The following PTPRM variants were observed in gnomAD, a reference collection of about 807,000 sequenced individuals.
The protein encoded by PTPRM is receptor-type tyrosine-protein phosphatase mu.
In PTPRM, 47 loss-of-function variants were observed where a neutral mutation model predicts 186.7. That is an observed-to-expected ratio of 0.25 (90% CI 0.20 to 0.32). PTPRM has a LOEUF of 0.32. PTPRM is among the 10% of genes least tolerant of loss of function. PTPRM has a pLI of 1.00. For synonymous variants in PTPRM, 668 were observed against 674.9 expected, an observed-to-expected ratio of 0.99 and a Z score of 0.16; for missense variants, 1,494 against 1,865.0, an observed-to-expected ratio of 0.80 and a Z score of 3.66.
chr18:8,261,518 G>T lies in PTPRM; in HGVS notation c.2754+8104G>T, dbSNP rs147763636. ...AAGTTTCTGCGTATTTTTAAATAATGCAATAGAGAGTTGGTTTTGACATGA... is the reference window on the plus strand; with the variant it reads ...AAGTTTCTGCGTATTTTTAAATAATTCAATAGAGAGTTGGTTTTGACATGA... On this transcript the variant is annotated intron_variant, in intron 19 of 32. Coordinates refer to ENST00000580170, the MANE Select transcript of PTPRM (RefSeq NM_001105244.2). Among the ~76,000 whole-genome samples the T allele has an allele frequency of 3.5e-4, 53 of 152,240 alleles. No homozygotes were observed. The East Asian group carries it at 9.6e-3, about 28-fold the overall frequency.
At chr18:8,200,036 A>G (rs1311007899) in intron 14 of PTPRM, among the ~76,000 whole-genome samples, 1 of 152,210 alleles carries the variant, frequency 6.6e-6, no homozygotes, top group African/African-American at 2.4e-5. Flanking sequence ...AGACTTTACA[A>G]CTGTCCTTGT....
intron 2 of PTPRM, among the ~76,000 whole-genome samples, chr18:7,869,589 C>T (rs1470408063): frequency 1.3e-5 from 2 of 152,142 alleles, no homozygotes; most frequent in South Asian, 2.1e-4. Context: ...AGAAATCACC[C>T]GCCTTCTGTG....
At chr18:7,718,003 G>C (rs1047801714) in intron 1 of PTPRM, among the ~76,000 whole-genome samples, 1 of 152,012 alleles carries the variant, frequency 6.6e-6, no homozygotes, top group Non-Finnish European at 1.5e-5. Flanking sequence ...TCTCATGAAG[G>C]GGTCAGGGAA....
chr18:7,682,528 T>A lies in PTPRM; in HGVS notation c.74-91621T>A, dbSNP rs9958605. Among the ~76,000 whole-genome samples, 1,251 of 152,290 alleles carry A rather than the reference T, an allele frequency of 8.2e-3. 11 individuals are homozygous for A. The highest frequency in any genetic ancestry group is 0.029 in the African/African-American group (1,195 of 41,570). On this transcript the variant is annotated intron_variant, in intron 1 of 32. Coordinates refer to ENST00000580170, the MANE Select transcript of PTPRM (RefSeq NM_001105244.2). ...TAGCTTTCTCAGGGTATGGGACAAT[T>A]GTTTATAGGATTGGTATGGTGTCTA...
intron 1 of PTPRM, among the ~76,000 whole-genome samples, chr18:7,725,657 C>T (rs1053102268): frequency 1.3e-5 from 2 of 152,018 alleles, no homozygotes; most frequent in Non-Finnish European, 2.9e-5. Flanking sequence ...AGCTTAACCT[C>T]GGAGGGACAG....
intron 14 of PTPRM, among the ~76,000 whole-genome samples, chr18:8,198,917 G>T (rs905816303): frequency 6.6e-6 from 1 of 152,116 alleles, no homozygotes; most frequent in Non-Finnish European, 1.5e-5. Context: ...TTATTATTGA[G>T]CAGACAAACT....
chr18:7,625,696 G>T (rs540824857), intron 1 of PTPRM, among the ~76,000 whole-genome samples: 6 of 151,270 alleles, frequency 4.0e-5, no homozygotes, highest in Non-Finnish European at 7.4e-5. Context: ...CATGATGCCC[G>T]GTTAATTTTT....
rs1372139108 is a variant in PTPRM, at chr18:8,063,166, C to G, written c.1133-6520C>G. Among the ~76,000 whole-genome samples, 77 of 151,512 alleles carry G rather than the reference C, an allele frequency of 5.1e-4. 1 individual carries two copies. The highest frequency in any genetic ancestry group is 2.6e-3 in the Admixed American group (39 of 15,268). ...TGTGGGATATAGTCTCGTGGTGCGC[C>G]GTTTTTTAAGCCGGTCTGAAAAGCG... On this transcript the variant is annotated intron_variant, in intron 7 of 32. Coordinates refer to ENST00000580170, the MANE Select transcript of PTPRM (RefSeq NM_001105244.2).
intron 14 of PTPRM, among the ~76,000 whole-genome samples, chr18:8,206,097 A>G (rs888249862): frequency 2.0e-5 from 3 of 152,136 alleles, no homozygotes; most frequent in Non-Finnish European, 4.4e-5. Context: ...AGAGGTTACT[A>G]TGAACCAAAA....
chr18:8,217,015 GT>G (rs1168315154), intron 14 of PTPRM, among the ~76,000 whole-genome samples: 1 of 152,132 alleles, frequency 6.6e-6, no homozygotes, highest in Non-Finnish European at 1.5e-5. Flanking sequence ...GTAACTCTTA[GT>G]CCATTTTGAA....
intron 1 of PTPRM, among the ~76,000 whole-genome samples, chr18:7,715,220 C>T (rs1306927271): frequency 2.6e-5 from 4 of 152,184 alleles, no homozygotes; most frequent in Non-Finnish European, 4.4e-5. Flanking sequence ...AATCAATAAA[C>T]GTAATCCATT....
intron 3 of PTPRM, among the ~76,000 whole-genome samples, chr18:7,894,427 AAC>A (rs1452733139): frequency 2.0e-5 from 3 of 151,864 alleles, no homozygotes; most frequent in Admixed American, 2.0e-4. Flanking sequence ...TCTACTAAAA[AAC>A]ACAAAAAATT....
In PTPRM at chr18:8,126,004, TA is replaced by T. The variant is rs1568383324; in HGVS notation, c.2167+11178del. On this transcript the variant is annotated intron_variant, in intron 13 of 32. Coordinates refer to ENST00000580170, the MANE Select transcript of PTPRM (RefSeq NM_001105244.2). ...ATATATATATATATATATATATATA[TA>T]TATATATATATATATATATATATTT... is the stretch of plus-strand genomic sequence containing the variant. 7.7e-3 allele frequency among the ~76,000 whole-genome samples: 285 copies of T among 36,932 alleles called. 13 individuals carry two copies. Among genetic ancestry groups the T allele is most frequent in the African/African-American group, 0.025 (250 of 10,162 alleles). 24.2% of individuals were successfully genotyped at this position (36,932 alleles called of 152,430 possible).
intron 7 of PTPRM, among the ~76,000 whole-genome samples, chr18:8,035,117 C>T (rs2086235642): frequency 1.3e-5 from 2 of 152,184 alleles, no homozygotes; most frequent in African/African-American, 2.4e-5. Context: ...CCTTTGCAAT[C>T]TGGATAGCCG....
intron 22 of PTPRM, among the ~76,000 whole-genome samples, chr18:8,337,587 G>A (rs765973581): frequency 2.0e-5 from 3 of 152,184 alleles, no homozygotes; most frequent in East Asian, 3.9e-4. Flanking sequence ...ATGAGGCCAC[G>A]TTAGGAAAAT....
rs1293021835 is a variant in PTPRM at position 8,079,988 on chromosome 18, A to C, written c.1551+3424A>C. Among the ~76,000 whole-genome samples, 3 of 152,188 alleles carry C rather than the reference A, an allele frequency of 2.0e-5. No homozygotes were observed. The East Asian group carries it at 5.8e-4, about 29-fold the overall frequency. ...AAATGGACAAAGACACTTCAAAAAA[A>C]AATTCACCCAGCATGTAAGTATATG... On this transcript the variant is annotated intron_variant, in intron 9 of 32. Coordinates refer to ENST00000580170, the MANE Select transcript of PTPRM (RefSeq NM_001105244.2).
chr18:7,994,362 G>A (rs1262241136), intron 7 of PTPRM, among the ~76,000 whole-genome samples: 12 of 151,906 alleles, frequency 7.9e-5, no homozygotes, highest in African/African-American at 7.2e-5. Context: ...GATAGACTCC[G>A]TTACAATAAC....
chr18:8,320,472 C>T (rs1415901245), intron 22 of PTPRM, among the ~76,000 whole-genome samples: 1 of 152,204 alleles, frequency 6.6e-6, no homozygotes, highest in Non-Finnish European at 1.5e-5. Context: ...TCTCTATCTG[C>T]ACTGTCCGAT....
chr18:8,125,457 A>T (rs1568381796), intron 13 of PTPRM, among the ~76,000 whole-genome samples: 1 of 152,130 alleles, frequency 6.6e-6, no homozygotes, highest in Non-Finnish European at 1.5e-5. Flanking sequence ...AACTTTTAGA[A>T]CCGTACTTCC....
Sources: allele counts gnomAD v4.1 joint callset (sites outside exome capture counted in the v4.1 genomes callset), GRCh38; gene constraint gnomAD v4.1.1; transcripts MANE v1.5; gene names NCBI Gene and HGNC (gene_info 2026-07-23, HGNC 2026-07-21).